Variants in ZDHHC15 observed in about 807,000 individuals in gnomAD.
The protein encoded by ZDHHC15 is palmitoyltransferase ZDHHC15.
A neutral mutation model predicts 31.7 loss-of-function variants in ZDHHC15; 19 were observed. The observed-to-expected ratio is 0.60, with a 90% CI of 0.42 to 0.88. The LOEUF is 0.88. ZDHHC15 is among the 40% of genes least tolerant of loss of function. ZDHHC15 has a pLI of 0.00. For missense variants in ZDHHC15, 209 were observed against 251.2 expected (o/e 0.83, Z 1.14); for synonymous variants, 103 against 90.0 (o/e 1.14, Z -0.82).
At chrX:75,446,459 AT>A in intron 4 of ZDHHC15, among the ~76,000 whole-genome samples, 2 of 112,228 alleles carry the variant, frequency 1.8e-5, no homozygotes, top group East Asian at 5.6e-4. Context: ...TGAGAAATAC[AT>A]TTGTAAAGAG....
intron 1 of ZDHHC15, among the ~76,000 whole-genome samples, chrX:75,519,463 G>C (rs956877923): frequency 9.0e-6 from 1 of 111,537 alleles, no homozygotes; most frequent in African/African-American, 3.3e-5. Context: ...GTAGAAGCAA[G>C]GTACATGTGA....
At chrX:75,429,809 C>G (rs1384342918) in intron 6 of ZDHHC15, 139 bp downstream of exon 6, 1 of 571,303 alleles carries the variant, frequency 1.8e-6, no homozygotes, top group African/African-American at 2.4e-5. Flanking sequence ...TGTTACCCCT[C>G]CCCTGTCCCC....
At chrX:75,437,170 C>T (rs905943240) in intron 4 of ZDHHC15, among the ~76,000 whole-genome samples, 6 of 111,429 alleles carry the variant, frequency 5.4e-5, no homozygotes, top group Middle Eastern at 4.3e-3. Context: ...CCTGAGCCAC[C>T]GCGCCAAGCC....
chrX:75,421,789 C>T, intron 9 of ZDHHC15, 75 bp downstream of exon 9: 1 of 1,113,689 alleles, frequency 9.0e-7, no homozygotes, highest in Non-Finnish European at 1.2e-6. Context: ...CTGCTGCATA[C>T]TACAATCAAA....
chrX:75,376,259 T>TTG, intron 11 of ZDHHC15, among the ~76,000 whole-genome samples: 1 of 21,533 alleles, frequency 4.6e-5, no homozygotes, highest in Non-Finnish European at 3.0e-4. Context: ...AATGGGGTTG[T>TTG]TTTTTTTTTT....
At chrX:75,462,864 G>A (rs1221860970) in intron 3 of ZDHHC15, among the ~76,000 whole-genome samples, 2 of 110,997 alleles carry the variant, frequency 1.8e-5, no homozygotes, top group South Asian at 3.8e-4. Context: ...AAAAGAACTA[G>A]AGAACCAAGA....
intron 3 of ZDHHC15, among the ~76,000 whole-genome samples, chrX:75,458,222 G>C (rs1407263939): frequency 1.8e-5 from 2 of 111,728 alleles, no homozygotes; most frequent in African/African-American, 6.5e-5. Flanking sequence ...ACATAGAATA[G>C]TACCAACTAG....
At chrX:75,459,787 A>C (rs918791999) in intron 3 of ZDHHC15, among the ~76,000 whole-genome samples, 7 of 112,489 alleles carry the variant, frequency 6.2e-5, no homozygotes, top group African/African-American at 2.3e-4. Context: ...TCAGTTTGGA[A>C]AATTTTGGAC....
chrX:75,491,434 C>G (rs1234300847), intron 2 of ZDHHC15, among the ~76,000 whole-genome samples: 1 of 89,504 alleles, frequency 1.1e-5, no homozygotes, highest in Admixed American at 1.5e-4. Flanking sequence ...AATGAGAACA[C>G]ATGGACAAAG....
intron 1 of ZDHHC15, among the ~76,000 whole-genome samples, chrX:75,517,017 C>T (rs1411872458): frequency 8.9e-6 from 1 of 112,020 alleles, no homozygotes; most frequent in African/African-American, 3.2e-5. Context: ...CAGAGAAATG[C>T]AAATCAAAAC....
At chrX:75,379,329 T>C (rs1045681831) in intron 10 of ZDHHC15, 131 bp from the exon 11 acceptor site, 1 of 598,265 alleles carries the variant, frequency 1.7e-6, no homozygotes, top group Non-Finnish European at 2.7e-6. Flanking sequence ...TAAAGACTGA[T>C]GTGTAACACA....
chrX:75,422,486 G>A (rs2083658346), intron 8 of ZDHHC15, among the ~76,000 whole-genome samples: 1 of 112,073 alleles, frequency 8.9e-6, no homozygotes, highest in Admixed American at 9.5e-5. Context: ...TGCAGTGTAA[G>A]AAACTGAGTT....
Position 75,516,477 on chromosome X carries a change from A to C in ZDHHC15, c.136+6412T>G, listed in dbSNP as rs185531653. On this transcript the variant is annotated intron_variant, in intron 1 of 11. Coordinates refer to ENST00000373367, the MANE Select transcript of ZDHHC15 (RefSeq NM_144969.3). ...CTTTGTCAAACCTGACAAAAACAAGAAATGGGGAAAGGATTCCCTATTTAA... is the reference window on the plus strand; with the variant it reads ...CTTTGTCAAACCTGACAAAAACAAGCAATGGGGAAAGGATTCCCTATTTAA... Among the ~76,000 whole-genome samples, 115 of 112,636 alleles carry C rather than the reference A, an allele frequency of 1.0e-3. 1 individual carries two copies. The highest frequency in any genetic ancestry group is 3.7e-3 in the South Asian group (10 of 2,707).
At chrX:75,493,908 A>G (rs2084943415) in intron 2 of ZDHHC15, among the ~76,000 whole-genome samples, 1 of 111,821 alleles carries the variant, frequency 8.9e-6, no homozygotes, top group African/African-American at 3.3e-5. Context: ...CTCCTATTCA[A>G]CACAGTGTTG....
chrX:75,469,151 A>T (rs1460174366), intron 3 of ZDHHC15, among the ~76,000 whole-genome samples: 1 of 111,781 alleles, frequency 8.9e-6, no homozygotes, highest in Admixed American at 9.6e-5. Flanking sequence ...CAAATCCAAG[A>T]TAATAAAGAT....
chrX:75,392,347 C>T (rs968537136), intron 10 of ZDHHC15, among the ~76,000 whole-genome samples: 1 of 111,994 alleles, frequency 8.9e-6, no homozygotes, highest in African/African-American at 3.2e-5. Flanking sequence ...ACACTGACAG[C>T]TGATTAGATT....
intron 3 of ZDHHC15, 60 bp from the exon 4 acceptor site, chrX:75,450,982 C>A (rs1157264296): frequency 8.8e-7 from 1 of 1,139,082 alleles, no homozygotes; most frequent in Non-Finnish European, 1.2e-6. Flanking sequence ...AAGATTAAAA[C>A]CAACAACAAT....
At chrX:75,450,991 A>T in intron 3 of ZDHHC15, 69 bp from the exon 4 acceptor site, 1 of 1,111,083 alleles carries the variant, frequency 9.0e-7, no homozygotes, top group Non-Finnish European at 1.2e-6. Context: ...ACCAACAACA[A>T]TAACTACTTT....
chrX:75,412,493 G>A (rs771451679), intron 10 of ZDHHC15, among the ~76,000 whole-genome samples: 1 of 110,166 alleles, frequency 9.1e-6, no homozygotes, highest in South Asian at 3.9e-4. Flanking sequence ...GTGCAGTGGC[G>A]AGATCTTGGC....
Sources: gnomAD v4.1 joint callset for allele counts (sites outside exome capture counted in the v4.1 genomes callset) on GRCh38, gnomAD v4.1.1 for gene constraint, MANE v1.5 for transcripts, NCBI Gene and HGNC (gene_info 2026-07-23, HGNC 2026-07-21) for gene names.